The following INPP4B variants were observed in gnomAD, a reference collection of about 807,000 sequenced individuals.
INPP4B encodes the protein inositol polyphosphate 4-phosphatase type II.
Under a neutral mutation model 122.5 loss-of-function variants are expected in INPP4B, and 55 were observed. The observed-to-expected ratio is 0.45, with a 90% CI of 0.36 to 0.56. The LOEUF (loss-of-function observed/expected upper bound fraction) is 0.56. Ranked by LOEUF, INPP4B falls within the 20% of genes least tolerant of loss-of-function variation. The pLI is 0.00. For synonymous variants in INPP4B, 403 were observed against 388.7 expected, an observed-to-expected ratio of 1.04 and a Z score of -0.43; for missense variants, 1,000 against 1,097.7, an observed-to-expected ratio of 0.91 and a Z score of 1.26.
At chr4:142,625,100 C>T (rs201505767) in intron 2 of INPP4B, among the ~76,000 whole-genome samples, 3 of 150,116 alleles carry the variant, frequency 2.0e-5, no homozygotes, top group African/African-American at 2.5e-5. Flanking sequence ...CTCACCACTC[C>T]TATTCAACAT....
At chr4:142,685,894 A>T (rs976910310) in intron 2 of INPP4B, among the ~76,000 whole-genome samples, 1 of 152,136 alleles carries the variant, frequency 6.6e-6, no homozygotes, top group African/African-American at 2.4e-5. Flanking sequence ...ATATCAAAAG[A>T]TTGGTTAAAT....
chr4:142,723,454 T>C (rs1388291732), intron 2 of INPP4B, among the ~76,000 whole-genome samples: 1 of 152,128 alleles, frequency 6.6e-6, no homozygotes, highest in African/African-American at 2.4e-5. Context: ...ACCTGACTAA[T>C]TGAAGTTCCC....
At chr4:142,198,785 C>G (rs1191453733) in intron 14 of INPP4B, among the ~76,000 whole-genome samples, 2 of 152,020 alleles carry the variant, frequency 1.3e-5, no homozygotes, top group Non-Finnish European at 1.5e-5. Flanking sequence ...GTTAAGATGT[C>G]AGAATATAGA....
At chr4:142,622,586 C>T (rs564206712) in intron 2 of INPP4B, among the ~76,000 whole-genome samples, 88 of 151,894 alleles carry the variant, frequency 5.8e-4, no homozygotes, top group Admixed American at 5.5e-3. Flanking sequence ...AAATATCATG[C>T]GGGAAATTCC....
chr4:142,503,269 C>T (rs979473929), intron 2 of INPP4B, among the ~76,000 whole-genome samples: 2 of 152,138 alleles, frequency 1.3e-5, no homozygotes, highest in Non-Finnish European at 2.9e-5. Flanking sequence ...GTCAAATGTA[C>T]CAGATCATGA....
chr4:142,697,395 A>G (rs1321433384), intron 2 of INPP4B, among the ~76,000 whole-genome samples: 3 of 152,220 alleles, frequency 2.0e-5, no homozygotes, highest in Non-Finnish European at 4.4e-5. Context: ...AATTATATAC[A>G]TGAGTGAATA....
chr4:142,169,986 C>G (rs1205110602), intron 16 of INPP4B, among the ~76,000 whole-genome samples: 1 of 151,652 alleles, frequency 6.6e-6, no homozygotes, highest in Non-Finnish European at 1.5e-5. Context: ...TGAACACTGT[C>G]CACATTCAGG....
chr4:142,414,955 C>A (rs1805365853), intron 5 of INPP4B, among the ~76,000 whole-genome samples: 2 of 152,124 alleles, frequency 1.3e-5, no homozygotes, highest in Non-Finnish European at 2.9e-5. Context: ...AAAGCAGGTC[C>A]CCCTGAATAC....
chr4:142,786,977 T>C (rs1775852965), intron 1 of INPP4B, among the ~76,000 whole-genome samples: 1 of 152,140 alleles, frequency 6.6e-6, no homozygotes. Context: ...AGGTAAAAAC[T>C]TTAAAAATCT....
chr4:142,029,087 GC>G (rs1224856326), intron 25 of INPP4B, 173 bp from the exon 26 acceptor site: 15 of 1,363,018 alleles, frequency 1.1e-5, no homozygotes, highest in Non-Finnish European at 1.4e-5. Context: ...CCTAGGCCAG[GC>G]CCAATACCAT....
intron 25 of INPP4B, among the ~76,000 whole-genome samples, chr4:142,056,227 G>C (rs932394892): frequency 6.6e-6 from 1 of 152,022 alleles, no homozygotes; most frequent in East Asian, 1.9e-4. Context: ...CCTGATACCA[G>C]GGGGTTGGGA....
intron 3 of INPP4B, among the ~76,000 whole-genome samples, chr4:142,456,962 A>G (rs1310296161): frequency 6.6e-6 from 1 of 152,024 alleles, no homozygotes; most frequent in Non-Finnish European, 1.5e-5. Context: ...TGGAAGAAGA[A>G]TAGTTACCGA....
chr4:142,428,438 G>GA (rs1808576777), intron 5 of INPP4B, among the ~76,000 whole-genome samples: 1 of 146,698 alleles, frequency 6.8e-6, no homozygotes, highest in African/African-American at 2.5e-5. Context: ...AACCATGACA[G>GA]GAAAAAAAAA....
chr4:142,268,322 C>CAAAAAAAAAAAAAAAAAAAAAAAAA (rs56908599), intron 10 of INPP4B, among the ~76,000 whole-genome samples: 82 of 6,900 alleles, frequency 0.012, 32 homozygotes, highest in South Asian at 0.034. Context: ...GACTCCGTCT[C>CAAAAAAAAAAAAAAAAAAAAAAAAA]AAAAAAAAAA....
At chr4:142,553,813 G>A (rs898451461) in intron 2 of INPP4B, among the ~76,000 whole-genome samples, 3 of 152,104 alleles carry the variant, frequency 2.0e-5, no homozygotes, top group African/African-American at 4.8e-5. Context: ...AAAAAGACCA[G>A]GTCAAGACAT....
chr4:142,568,287 C>A (rs1241832700), intron 2 of INPP4B, among the ~76,000 whole-genome samples: 2 of 151,758 alleles, frequency 1.3e-5, no homozygotes. Flanking sequence ...TCTGGCCTTA[C>A]TTTGTAAGAC....
chr4:142,273,713 C>T (rs1202837101), intron 9 of INPP4B, among the ~76,000 whole-genome samples: 1 of 151,790 alleles, frequency 6.6e-6, no homozygotes, highest in African/African-American at 2.4e-5. Flanking sequence ...AAGCAAGGAA[C>T]ATGCTTAATC....
chr4:142,274,820 A>T (rs552750189), intron 9 of INPP4B, among the ~76,000 whole-genome samples: 1 of 151,790 alleles, frequency 6.6e-6, no homozygotes, highest in Admixed American at 6.6e-5. Flanking sequence ...TTGCCAGGTC[A>T]TTACCACTGT....
intron 2 of INPP4B, among the ~76,000 whole-genome samples, chr4:142,573,332 G>A (rs1298669057): frequency 1.3e-5 from 2 of 152,010 alleles, no homozygotes; most frequent in Non-Finnish European, 2.9e-5. Context: ...GTGCTACCCA[G>A]TTCCTTTTTT....
Sources: gnomAD v4.1 joint callset for allele counts (sites outside exome capture counted in the v4.1 genomes callset) on GRCh38, gnomAD v4.1.1 for gene constraint, MANE v1.5 for transcripts, NCBI Gene and HGNC (gene_info 2026-07-23, HGNC 2026-07-21) for gene names.